NARS2: variants seen among roughly 807,000 people sequenced by gnomAD.
NARS2 encodes the protein asparaginyl-tRNA synthetase.
A neutral mutation model predicts 62.9 loss-of-function variants in NARS2; 60 were observed. The ratio of observed to expected loss-of-function variants is 0.95; its 90% CI spans 0.77 to 1.18. The LOEUF (loss-of-function observed/expected upper bound fraction) is 1.18. Among genes scored for constraint, NARS2 ranks in the 50% most tolerant of loss-of-function variants. NARS2 has a pLI of 0.00. For synonymous variants in NARS2, 196 were observed against 200.0 expected (o/e 0.98, Z 0.17); for missense variants, 619 against 576.4 (o/e 1.07, Z -0.76).
At chr11:78,470,314 T>A (rs554948829) in intron 9 of NARS2, among the ~76,000 whole-genome samples, 18 of 152,190 alleles carry the variant, frequency 1.2e-4, no homozygotes, top group South Asian at 2.1e-4. Flanking sequence ...TACATAGTTT[T>A]AAAAAAAATC....
intron 6 of NARS2, among the ~76,000 whole-genome samples, chr11:78,519,128 C>G (rs1861020116): frequency 6.6e-6 from 1 of 152,152 alleles, no homozygotes; most frequent in Non-Finnish European, 1.5e-5. Flanking sequence ...CAGTTTCACA[C>G]CCAATTGTAA....
intron 4 of NARS2, among the ~76,000 whole-genome samples, chr11:78,563,859 T>C (rs1357778456): frequency 3.7e-5 from 2 of 54,562 alleles, no homozygotes; most frequent in Non-Finnish European, 8.3e-5. Context: ...AAAATATATA[T>C]ATATATATAT....
At chr11:78,544,440 G>C (rs932634999) in intron 5 of NARS2, among the ~76,000 whole-genome samples, 3 of 152,166 alleles carry the variant, frequency 2.0e-5, no homozygotes, top group African/African-American at 7.2e-5. Context: ...GAATTTTCCA[G>C]AATGCATCTT....
chr11:78,500,625 C>T (rs1860245252), intron 6 of NARS2, among the ~76,000 whole-genome samples: 2 of 152,166 alleles, frequency 1.3e-5, no homozygotes, highest in South Asian at 4.1e-4. Flanking sequence ...AAGCATGTGC[C>T]ACCAAGCCCA....
At chr11:78,497,665 T>C (rs1206392812) in intron 6 of NARS2, among the ~76,000 whole-genome samples, 1 of 152,180 alleles carries the variant, frequency 6.6e-6, no homozygotes, top group Non-Finnish European at 1.5e-5. Context: ...GTTCACTGGA[T>C]TGTCAATACT....
chr11:78,541,597 C>T (rs560062482), intron 5 of NARS2, among the ~76,000 whole-genome samples: 1 of 152,120 alleles, frequency 6.6e-6, no homozygotes, highest in African/African-American at 2.4e-5. Context: ...GTAATTCCAG[C>T]TACTCGGGAG....
chr11:78,476,415 T>C (rs1320733951), intron 9 of NARS2, among the ~76,000 whole-genome samples: 1 of 152,186 alleles, frequency 6.6e-6, no homozygotes, highest in East Asian at 1.9e-4. Context: ...ATTAACTGTG[T>C]GCCAAGGGGA....
chr11:78,449,813 A>AT (rs1857901708), intron 11 of NARS2, among the ~76,000 whole-genome samples: 1 of 152,216 alleles, frequency 6.6e-6, no homozygotes, highest in African/African-American at 2.4e-5. Context: ...ATTTCCAGAC[A>AT]TTACAAATGT....
At chr11:78,443,224 G>T (rs1857631813) in intron 12 of NARS2, among the ~76,000 whole-genome samples, 2 of 151,718 alleles carry the variant, frequency 1.3e-5, no homozygotes. Flanking sequence ...TACTTGGGAG[G>T]CTGAGGCAGG....
At chr11:78,558,218 C>T (rs1856435148) in intron 5 of NARS2, 1 of 152,106 alleles carries the variant, frequency 6.6e-6, no homozygotes, top group Admixed American at 6.5e-5. Flanking sequence ...GCTAATACCC[C>T]CACTCTAAAT....
In NARS2 at chr11:78,494,602, T is replaced by C. The variant is rs145567888; in HGVS notation, c.690-1407A>G. Among the ~76,000 whole-genome samples the C allele has an allele frequency of 5.1e-3, 783 of 152,128 alleles. 4 individuals are homozygous for C. Among genetic ancestry groups the C allele is most frequent in the African/African-American group, 0.018 (759 of 41,520 alleles). On this transcript the variant is annotated intron_variant, in intron 6 of 13. Transcript: ENST00000281038. ...CAATTGGTAGAAGCTTAGGAAGTTATATTTTGGTTCTACAGCTACCTTCCT... is the reference window on the plus strand; with the variant it reads ...CAATTGGTAGAAGCTTAGGAAGTTACATTTTGGTTCTACAGCTACCTTCCT...
intron 11 of NARS2, among the ~76,000 whole-genome samples, chr11:78,464,002 G>A (rs1447476847): frequency 2.6e-5 from 4 of 152,268 alleles, no homozygotes; most frequent in South Asian, 2.1e-4. Context: ...CAATGAAGCC[G>A]CGGACCCTCA....
intron 6 of NARS2, among the ~76,000 whole-genome samples, chr11:78,514,782 G>T (rs1349327158): frequency 6.6e-6 from 1 of 152,068 alleles, no homozygotes; most frequent in Non-Finnish European, 1.5e-5. Flanking sequence ...TTCCAAAGGC[G>T]GCAAGCAGAC....
At chr11:78,485,057 T>C (rs1016612752) in intron 7 of NARS2, among the ~76,000 whole-genome samples, 15 of 152,096 alleles carry the variant, frequency 9.9e-5, no homozygotes, top group African/African-American at 3.1e-4. Context: ...CATGCAGCCA[T>C]AAAAAGAATG....
chr11:78,500,656 T>A (rs1367761717), intron 6 of NARS2, among the ~76,000 whole-genome samples: 1 of 152,156 alleles, frequency 6.6e-6, no homozygotes, highest in Non-Finnish European at 1.5e-5. Flanking sequence ...AATTTTTTTA[T>A]AGATGGGGGT....
intron 4 of NARS2, among the ~76,000 whole-genome samples, chr11:78,565,737 A>C (rs1856721445): frequency 6.6e-6 from 1 of 152,214 alleles, no homozygotes; most frequent in South Asian, 2.1e-4. Flanking sequence ...TGCTGGCTGG[A>C]AACAATACCT....
chr11:78,566,105 G>A (rs1272640644), intron 4 of NARS2, 27 bp downstream of exon 4: 1 of 1,582,226 alleles, frequency 6.3e-7, no homozygotes, highest in Non-Finnish European at 8.6e-7. Flanking sequence ...TGTTTAAAGG[G>A]TCAAGAGGGA....
chr11:78,518,853 A>G (rs779825307), intron 6 of NARS2, among the ~76,000 whole-genome samples: 9 of 152,180 alleles, frequency 5.9e-5, no homozygotes, highest in East Asian at 3.9e-4. Flanking sequence ...AATGAGTACT[A>G]TAAGAGAGCA....
chr11:78,567,342 G>A (rs958633633), intron 3 of NARS2, among the ~76,000 whole-genome samples: 5 of 152,180 alleles, frequency 3.3e-5, no homozygotes, highest in African/African-American at 1.2e-4. Context: ...TCACATTCTA[G>A]GCAGGATGGA....
Sources: allele counts gnomAD v4.1 joint callset (sites outside exome capture counted in the v4.1 genomes callset), GRCh38; gene constraint gnomAD v4.1.1; transcripts MANE v1.5; gene names NCBI Gene and HGNC (gene_info 2026-07-23, HGNC 2026-07-21).